Variants in ELMO1 observed in about 807,000 individuals in gnomAD.
The protein encoded by ELMO1 is engulfment and cell motility protein 1.
Under a neutral mutation model 98.9 loss-of-function variants are expected in ELMO1, and 26 were observed. The observed-to-expected ratio is 0.26, with a 90% CI of 0.19 to 0.36. The LOEUF is 0.36. Among genes scored for constraint, ELMO1 ranks in the 10% least tolerant of loss-of-function variants. ELMO1 has a pLI of 1.00. For synonymous variants in ELMO1, 346 were observed against 346.0 expected, an observed-to-expected ratio of 1.00 and a Z score of 0.00; for missense variants, 627 against 935.2, an observed-to-expected ratio of 0.67 and a Z score of 4.30.
intron 14 of ELMO1, among the ~76,000 whole-genome samples, chr7:37,102,906 C>T (rs542252024): frequency 6.6e-6 from 1 of 152,286 alleles, no homozygotes; most frequent in East Asian, 1.9e-4. Context: ...TTCACATGGT[C>T]ACAAAGGAGT....
intron 15 of ELMO1, among the ~76,000 whole-genome samples, chr7:37,039,381 G>T (rs1795372713): frequency 6.6e-6 from 1 of 152,206 alleles, no homozygotes; most frequent in Admixed American, 6.5e-5. Flanking sequence ...GGAGATACAA[G>T]GGCAGGTTCT....
At chr7:36,945,503 G>T (rs977157865) in intron 16 of ELMO1, among the ~76,000 whole-genome samples, 1 of 152,148 alleles carries the variant, frequency 6.6e-6, no homozygotes, top group Non-Finnish European at 1.5e-5. Context: ...TCCCTAGAAC[G>T]ATCATTTAGA....
chr7:36,891,550 T>G (rs1371159382), intron 17 of ELMO1, among the ~76,000 whole-genome samples: 2 of 152,224 alleles, frequency 1.3e-5, no homozygotes, highest in Non-Finnish European at 2.9e-5. Context: ...AGTGTCAGTT[T>G]TATCATTTAC....
chr7:37,187,661 ATAG>A (rs568639968), intron 13 of ELMO1, among the ~76,000 whole-genome samples: 215 of 152,324 alleles, frequency 1.4e-3, no homozygotes, highest in African/African-American at 5.1e-3. Context: ...ATGAATTCTG[ATAG>A]TAAAGAAAAA....
At chr7:37,155,301 C>T (rs1057222765) in intron 13 of ELMO1, among the ~76,000 whole-genome samples, 2 of 152,218 alleles carry the variant, frequency 1.3e-5, no homozygotes, top group Middle Eastern at 3.4e-3. Flanking sequence ...CAAATTCACA[C>T]ATAAGTAACA....
chr7:37,190,875 T>C (rs923550344), intron 13 of ELMO1, among the ~76,000 whole-genome samples: 3 of 151,990 alleles, frequency 2.0e-5, no homozygotes, highest in Non-Finnish European at 4.4e-5. Context: ...GAAAGCATAC[T>C]TACTTATACA....
chr7:37,373,892 C>A (rs10255393), intron 1 of ELMO1, among the ~76,000 whole-genome samples: 9,724 of 152,160 alleles, frequency 0.064, 1,064 homozygotes, highest in African/African-American at 0.22. Context: ...GCAGGAGCAC[C>A]CAATCAATGA....
intron 7 of ELMO1, among the ~76,000 whole-genome samples, chr7:37,237,383 A>G (rs1794528382): frequency 1.3e-5 from 2 of 152,062 alleles, no homozygotes; most frequent in Admixed American, 1.3e-4. Context: ...TCCACCTCCC[A>G]GGTTGAAGCG....
At chr7:37,036,472 C>A (rs1338511524) in intron 15 of ELMO1, among the ~76,000 whole-genome samples, 1 of 152,184 alleles carries the variant, frequency 6.6e-6, no homozygotes, top group Non-Finnish European at 1.5e-5. Flanking sequence ...CTGGCTCAAG[C>A]AATCCTCCCA....
In ELMO1 at chr7:37,321,716, C is replaced by CAAAAAAAAAAAAAAAA. The variant is rs565421716; in HGVS notation, c.79-5772_79-5757dup. Among the ~76,000 whole-genome samples, 94 of 66,050 alleles carry CAAAAAAAAAAAAAAAA rather than the reference C, an allele frequency of 1.4e-3. 1 individual carries two copies. Among genetic ancestry groups the CAAAAAAAAAAAAAAAA allele is most frequent in the African/African-American group, 3.9e-3 (48 of 12,408 alleles). The allele number at this position is 66,050 out of a possible 152,430, so 43.3% of individuals were successfully genotyped here. On this transcript the variant is annotated intron_variant, in intron 2 of 21. Transcript: ENST00000310758. ...TGGGCAACAGAGCGAGACTCCGTCT[C>CAAAAAAAAAAAAAAAA]AAAAAAAAAAAAAAAAAAAAAACAC...
At chr7:36,957,191 G>A (rs1322058398) in intron 16 of ELMO1, among the ~76,000 whole-genome samples, 1 of 152,070 alleles carries the variant, frequency 6.6e-6, no homozygotes, top group African/African-American at 2.4e-5. Context: ...CCCAGTCGCT[G>A]AGTGGTGATT....
At chr7:37,148,210 T>C (rs1788125721) in intron 13 of ELMO1, among the ~76,000 whole-genome samples, 1 of 152,216 alleles carries the variant, frequency 6.6e-6, no homozygotes, top group African/African-American at 2.4e-5. Context: ...TCCAAAGATG[T>C]GTTTAAAACA....
At chr7:37,269,877 T>C (rs1796467208) in intron 5 of ELMO1, 1 of 152,192 alleles carries the variant, frequency 6.6e-6, no homozygotes, top group East Asian at 1.9e-4. Flanking sequence ...AAGTTTCTTT[T>C]GGGATGCTGA....
chr7:37,386,644 T>G (rs926348897), intron 1 of ELMO1, among the ~76,000 whole-genome samples: 96 of 152,070 alleles, frequency 6.3e-4, no homozygotes, highest in African/African-American at 2.1e-3. Context: ...TAAGTAAAGA[T>G]TCAGGGTCCA....
At chr7:37,391,437 G>A (rs1442812071) in intron 1 of ELMO1, among the ~76,000 whole-genome samples, 3 of 152,116 alleles carry the variant, frequency 2.0e-5, no homozygotes, top group African/African-American at 7.2e-5. Flanking sequence ...ATTTATAAAG[G>A]CATTTGTGTG....
At chr7:36,956,252 C>G (rs982034960) in intron 16 of ELMO1, among the ~76,000 whole-genome samples, 3 of 152,186 alleles carry the variant, frequency 2.0e-5, no homozygotes, top group Non-Finnish European at 4.4e-5. Context: ...CTTTGAGGTG[C>G]CTGCCATGGG....
rs1448053150 is a variant in ELMO1 at position 37,342,796 on chromosome 7, T to TC, written c.-73-34dup. The TC allele has an allele frequency of 9.5e-7, 1 of 1,058,136 alleles. No homozygotes were observed. The highest frequency in any genetic ancestry group is 2.5e-5 in the East Asian group (1 of 40,156). 65.5% of individuals were successfully genotyped at this position (1,058,136 alleles called of 1,614,324 possible). ...GGAATGACAGAAAAAGAAAGAGAAG[T>TC]CACTCAGTGCAGATGCAGGGTGAAT... On this transcript the variant is annotated intron_variant, in intron 1 of 21. Transcript: ENST00000310758. The surrounding 1 kb of genome is among the most constrained non-coding windows in gnomAD (Gnocchi z 4.3).
At chr7:37,153,913 G>C (rs1191593150) in intron 13 of ELMO1, among the ~76,000 whole-genome samples, 1 of 152,160 alleles carries the variant, frequency 6.6e-6, no homozygotes, top group African/African-American at 2.4e-5. Context: ...GGAGCAGACA[G>C]ACACCTCATA....
chr7:37,225,002 A>G lies in ELMO1; in HGVS notation c.578T>C (p.Ile193Thr). Residue 193 changes from isoleucine to threonine, a missense_variant, in exon 9 of 22, where the codon ATA becomes ACA. Physicochemically the swap from Ile to Thr is moderately conservative, Grantham distance 89. Coordinates refer to ENST00000310758, the MANE Select transcript of ELMO1 (RefSeq NM_014800.11). ...KIASFVNKSAIDISILQRSLA... is the reference protein window; with the variant it reads ...KIASFVNKSATDISILQRSLA... ...GGACCGCTGCAGGATCGAGATGTCT[A>G]TGGCTGACTTGTTCACAAAACTTGC... 1 of 1,614,104 alleles carries G rather than the reference A, an allele frequency of 6.2e-7. No individual in the cohort carries two copies. The highest frequency in any genetic ancestry group is 8.5e-7 in the Non-Finnish European group (1 of 1,179,984).
Sources: gnomAD v4.1 joint callset for allele counts (sites outside exome capture counted in the v4.1 genomes callset) on GRCh38, gnomAD v4.1.1 for gene constraint, Gnocchi (gnomAD v3.1) non-coding constraint, MANE v1.5 for transcripts, NCBI Gene and HGNC (gene_info 2026-07-23, HGNC 2026-07-21) for gene names.